TMEM135: variants seen among roughly 807,000 people sequenced by gnomAD.
TMEM135 encodes transmembrane protein 135, also known as peroxisomal membrane protein 52.
In TMEM135, 30 loss-of-function variants were observed where a neutral mutation model predicts 60.3. The observed-to-expected ratio is 0.50, with a 90% CI of 0.37 to 0.68. The LOEUF is 0.68. TMEM135 is among the 30% of genes least tolerant of loss of function. The pLI is 0.00. For missense variants in TMEM135, 468 were observed against 548.8 expected (o/e 0.85, Z 1.47); for synonymous variants, 190 against 186.7 (o/e 1.02, Z -0.14).
At chr11:87,241,316 T>C (rs1351913680) in intron 6 of TMEM135, among the ~76,000 whole-genome samples, 1 of 152,048 alleles carries the variant, frequency 6.6e-6, no homozygotes, top group Non-Finnish European at 1.5e-5. Context: ...AAGTGAAAGG[T>C]CTTTAATGTT....
At chr11:87,215,821 A>G (rs1222787732) in intron 5 of TMEM135, among the ~76,000 whole-genome samples, 2 of 152,136 alleles carry the variant, frequency 1.3e-5, no homozygotes, top group African/African-American at 2.4e-5. Context: ...TTTGCTTTCA[A>G]CTATAACTTC....
intron 5 of TMEM135, among the ~76,000 whole-genome samples, chr11:87,159,610 CA>C: frequency 6.9e-6 from 1 of 144,916 alleles, no homozygotes; most frequent in Non-Finnish European, 1.5e-5. Context: ...CACACACACA[CA>C]CACACACCAT....
intron 5 of TMEM135, among the ~76,000 whole-genome samples, chr11:87,193,849 G>A (rs1939873044): frequency 6.7e-6 from 1 of 149,898 alleles, no homozygotes; most frequent in African/African-American, 2.4e-5. Flanking sequence ...TTTTTAATAG[G>A]CCTATGATCA....
chr11:87,088,178 C>T (rs772367654), intron 3 of TMEM135, among the ~76,000 whole-genome samples: 1 of 152,132 alleles, frequency 6.6e-6, no homozygotes, highest in South Asian at 2.1e-4. Context: ...TCTTTACTCA[C>T]CACAAGTTAG....
At chr11:87,090,868 G>A (rs1857190449) in intron 3 of TMEM135, among the ~76,000 whole-genome samples, 4 of 152,054 alleles carry the variant, frequency 2.6e-5, no homozygotes, top group Admixed American at 6.6e-5. Flanking sequence ...TAAAACCAAT[G>A]TGATTTAGTA....
chr11:87,313,431 A>G lies in TMEM135; in HGVS notation c.943A>G (p.Ser315Gly), dbSNP rs1942674312. Residue 315 changes from serine to glycine, a missense_variant, in exon 11 of 15, where the codon AGT becomes GGT. Transcript: ENST00000305494. ...GTATTTTCTCCTTAACTAGGGTACT[A>G]GTTGCTTCCTGCGCTGGATCAGAAA... ...GSFVSIYKGT[S>G]CFLRWIRNLD... 6.2e-7 allele frequency: 1 copy of G among 1,610,352 alleles called. No individual in the cohort carries two copies. Among genetic ancestry groups the G allele is most frequent in the Non-Finnish European group, 8.5e-7 (1 of 1,177,274 alleles).
At chr11:87,087,525 G>A (rs1399234972) in intron 3 of TMEM135, among the ~76,000 whole-genome samples, 1 of 152,174 alleles carries the variant, frequency 6.6e-6, no homozygotes, top group Non-Finnish European at 1.5e-5. Flanking sequence ...AGAATTTAAT[G>A]AGAAGTGTAT....
At chr11:87,101,451 T>A (rs1250357787) in intron 4 of TMEM135, among the ~76,000 whole-genome samples, 4 of 152,234 alleles carry the variant, frequency 2.6e-5, no homozygotes, top group Non-Finnish European at 1.5e-5. Context: ...TACATTTTAT[T>A]ATAAGAAAAA....
chr11:87,104,532 A>G (rs1459040370), intron 4 of TMEM135, among the ~76,000 whole-genome samples: 1 of 152,120 alleles, frequency 6.6e-6, no homozygotes, highest in African/African-American at 2.4e-5. Context: ...GGCAGTATGA[A>G]CATTTTAACA....
chr11:87,159,824 T>G (rs1289329516), intron 5 of TMEM135, among the ~76,000 whole-genome samples: 1 of 152,184 alleles, frequency 6.6e-6, no homozygotes, highest in Non-Finnish European at 1.5e-5. Context: ...AAATTTAAAC[T>G]GTGTTTTAGT....
intron 4 of TMEM135, among the ~76,000 whole-genome samples, chr11:87,111,211 C>A (rs547835115): frequency 6.6e-6 from 1 of 151,980 alleles, no homozygotes; most frequent in Non-Finnish European, 1.5e-5. Flanking sequence ...TTGTTGATGG[C>A]CTATTTTTTT....
chr11:87,154,293 T>TA (rs1282144186), intron 4 of TMEM135, among the ~76,000 whole-genome samples: 37 of 149,974 alleles, frequency 2.5e-4, no homozygotes, highest in Non-Finnish European at 5.0e-4. Context: ...ATCCATGTTG[T>TA]ATACTATATC....
chr11:87,179,417 C>T (rs780438871), intron 5 of TMEM135, among the ~76,000 whole-genome samples: 47 of 151,854 alleles, frequency 3.1e-4, no homozygotes, highest in Non-Finnish European at 5.6e-4. Context: ...CTGTTAGGAG[C>T]TATACTTTTG....
intron 6 of TMEM135, among the ~76,000 whole-genome samples, chr11:87,288,697 A>G (rs574915913): frequency 4.0e-4 from 61 of 152,314 alleles, no homozygotes; most frequent in Middle Eastern, 3.4e-3. Context: ...ATTGAGCCCT[A>G]AAGTTAAGTG....
intron 14 of TMEM135, 87 bp from the exon 15 acceptor site, chr11:87,321,114 A>T (rs17759556): frequency 1.6e-6 from 2 of 1,262,260 alleles, no homozygotes; most frequent in Non-Finnish European, 2.2e-6. Context: ...CTGTTTTCCC[A>T]TCCCACATAA....
intron 6 of TMEM135, among the ~76,000 whole-genome samples, chr11:87,273,902 T>C (rs1379985258): frequency 6.6e-6 from 1 of 152,204 alleles, no homozygotes; most frequent in Non-Finnish European, 1.5e-5. Flanking sequence ...CCAAGATCAT[T>C]GTTTTGGTAA....
At chr11:87,166,037 C>G (rs1319071569) in intron 5 of TMEM135, among the ~76,000 whole-genome samples, 1 of 150,954 alleles carries the variant, frequency 6.6e-6, no homozygotes, top group Non-Finnish European at 1.5e-5. Context: ...AAGACTAAAC[C>G]AGGAAGAAGT....
rs1369799632 is a variant in TMEM135, at chr11:87,318,138, C to T, written c.1079C>T (p.Thr360Ile). The T allele has an allele frequency of 6.2e-7, 1 of 1,610,682 alleles. No individual in the cohort carries two copies. The highest frequency in any genetic ancestry group is 8.5e-7 in the Non-Finnish European group (1 of 1,177,892). Residue 360 changes from threonine to isoleucine, a missense_variant and splice_region_variant, in exon 13 of 15, where the codon ACA becomes ATA. By Grantham distance (89) the Thr-to-Ile change is moderately conservative. Coordinates refer to ENST00000305494, the MANE Select transcript of TMEM135 (RefSeq NM_022918.4). ...TCTTGTCTTATGCTTGTTTTGCAGA[C>T]AATGTATTTCAAAGGCATTGAAGCA... is the stretch of plus-strand genomic sequence containing the variant. ...SMYLASKLVE[T>I]MYFKGIEAGK...
At chr11:87,087,893 C>T (rs1039441526) in intron 3 of TMEM135, among the ~76,000 whole-genome samples, 7 of 152,180 alleles carry the variant, frequency 4.6e-5, no homozygotes, top group East Asian at 1.9e-4. Context: ...TGCACCACCA[C>T]GCCCAGCTAA....
Sources: allele counts gnomAD v4.1 joint callset (sites outside exome capture counted in the v4.1 genomes callset), GRCh38; gene constraint gnomAD v4.1.1; transcripts MANE v1.5; gene names NCBI Gene and HGNC (gene_info 2026-07-23, HGNC 2026-07-21).